The following SPOCK1 variants were observed in gnomAD, a reference collection of about 807,000 sequenced individuals.
SPOCK1 encodes SPARC (osteonectin), cwcv and kazal like domains proteoglycan 1, also known as testican-1.
A neutral mutation model predicts 55.3 loss-of-function variants in SPOCK1; 23 were observed. The observed-to-expected ratio is 0.42, with a 90% CI of 0.30 to 0.59. The LOEUF is 0.59. SPOCK1 is among the 20% of genes least tolerant of loss of function. SPOCK1 has a pLI of 0.22. For missense variants in SPOCK1, 499 were observed against 552.5 expected, an observed-to-expected ratio of 0.90 and a Z score of 0.97; for synonymous variants, 226 against 221.0, an observed-to-expected ratio of 1.02 and a Z score of -0.20.
chr5:137,280,164 C>T (rs1380733461), intron 2 of SPOCK1, among the ~76,000 whole-genome samples: 1 of 152,070 alleles, frequency 6.6e-6, no homozygotes, highest in Non-Finnish European at 1.5e-5. Flanking sequence ...TAAGTCCCAT[C>T]TTTTAAAATA....
chr5:137,346,880 T>C (rs1750568931), intron 2 of SPOCK1, among the ~76,000 whole-genome samples: 1 of 152,184 alleles, frequency 6.6e-6, no homozygotes, highest in Non-Finnish European at 1.5e-5. Flanking sequence ...ATCTACATGG[T>C]GTATGCCTAG....
At position 137,144,915 on chromosome 5, in the gene SPOCK1, C is replaced by T. The variant is rs375339450; in HGVS notation, c.233-4221G>A. Among the ~76,000 whole-genome samples, 6 of 152,224 alleles carry T rather than the reference C, an allele frequency of 3.9e-5. No homozygotes were observed. In the East Asian group the frequency reaches 7.7e-4, roughly 20 times the overall value. On this transcript the variant is annotated intron_variant, in intron 3 of 10. Transcript: ENST00000394945. ...CTTGCTCCAAGTTTCAATCTCTCTC[C>T]GCATACAAGGAGTGAGAGGATGCAG...
chr5:137,415,838 T>C (rs1752316582), intron 2 of SPOCK1, among the ~76,000 whole-genome samples: 1 of 152,200 alleles, frequency 6.6e-6, no homozygotes, highest in Non-Finnish European at 1.5e-5. Context: ...GTCACTGTTA[T>C]CTTGGCAACC....
chr5:137,069,007 G>A (rs1325794234), intron 5 of SPOCK1, among the ~76,000 whole-genome samples: 2 of 152,172 alleles, frequency 1.3e-5, no homozygotes, highest in African/African-American at 4.8e-5. Flanking sequence ...CTCTTATCAG[G>A]TGCCATGGGG....
chr5:137,106,436 A>G (rs546654045), intron 5 of SPOCK1, among the ~76,000 whole-genome samples: 30 of 152,294 alleles, frequency 2.0e-4, no homozygotes, highest in Non-Finnish European at 4.1e-4. Context: ...GGGCTCCCAG[A>G]TGGTCCAGGA....
intron 5 of SPOCK1, among the ~76,000 whole-genome samples, chr5:137,091,223 C>G (rs1753049529): frequency 1.3e-5 from 2 of 152,226 alleles, no homozygotes; most frequent in Admixed American, 1.3e-4. Context: ...TATCTCTTCC[C>G]TGCTCCATCC....
chr5:137,199,558 A>G (rs1009627236), intron 3 of SPOCK1, among the ~76,000 whole-genome samples: 4 of 151,942 alleles, frequency 2.6e-5, no homozygotes, highest in Non-Finnish European at 4.4e-5. Flanking sequence ...TTAAACCCCA[A>G]TGATCTCCTC....
At chr5:137,456,877 T>C (rs144213861) in intron 2 of SPOCK1, among the ~76,000 whole-genome samples, 130 of 152,352 alleles carry the variant, frequency 8.5e-4, no homozygotes, top group African/African-American at 3.0e-3. Context: ...GCTTGACACC[T>C]ACAGAAGAAA....
chr5:137,213,947 A>G (rs1051149304), intron 3 of SPOCK1, among the ~76,000 whole-genome samples: 7 of 152,218 alleles, frequency 4.6e-5, no homozygotes, highest in Admixed American at 3.9e-4. Context: ...ACCAATGTGC[A>G]TCTGTTCGTG....
At chr5:137,468,993 A>G (rs1349068864) in intron 2 of SPOCK1, among the ~76,000 whole-genome samples, 1 of 152,156 alleles carries the variant, frequency 6.6e-6, no homozygotes, top group East Asian at 1.9e-4. Context: ...TTAATAAAAG[A>G]GTTAACCTTT....
In SPOCK1 at chr5:137,132,000, A is replaced by ATATG. The variant is rs1309963916; in HGVS notation, c.347+8579_347+8580insCATA. Among the ~76,000 whole-genome samples the ATATG allele has an allele frequency of 1.4e-4, 8 of 58,044 alleles. 1 individual carries two copies. The highest frequency in any genetic ancestry group is 6.5e-4 in the African/African-American group (8 of 12,258). The allele number at this position is 58,044 out of a possible 152,430, so 38.1% of individuals were successfully genotyped here. ...AAAAAAAAAAAAAAAATATATATAT[A>ATATG]TATATATATATATATATATAAAAAA... is the stretch of plus-strand genomic sequence containing the variant. On this transcript the variant is annotated intron_variant, in intron 4 of 10. Coordinates refer to ENST00000394945, the MANE Select transcript of SPOCK1 (RefSeq NM_004598.4).
chr5:137,269,901 C>T (rs535819139), intron 2 of SPOCK1, among the ~76,000 whole-genome samples: 2 of 152,098 alleles, frequency 1.3e-5, no homozygotes, highest in African/African-American at 4.8e-5. Context: ...ACTCAGGTGG[C>T]AGAGCCAGGC....
At chr5:137,027,210 G>A (rs1380808445) in intron 6 of SPOCK1, among the ~76,000 whole-genome samples, 2 of 152,306 alleles carry the variant, frequency 1.3e-5, no homozygotes, top group Non-Finnish European at 2.9e-5. Flanking sequence ...ACTTTCTCAA[G>A]CTCTTTCCAT....
In SPOCK1 at chr5:137,102,443, C is replaced by T. The variant is rs116227263; in HGVS notation, c.474+9992G>A. ...AAATACAAGTAGAAGCAAACAAAGA[C>T]GAGAGATGGAAAGAAACGGAGTGGT... On this transcript the variant is annotated intron_variant, in intron 5 of 10. Transcript: ENST00000394945. Among the ~76,000 whole-genome samples, 1,093 of 152,052 alleles carry T rather than the reference C, an allele frequency of 7.2e-3. 17 individuals are homozygous for T. Among genetic ancestry groups the T allele is most frequent in the African/African-American group, 0.025 (1,043 of 41,466 alleles).
At chr5:137,207,706 G>A (rs988515615) in intron 3 of SPOCK1, among the ~76,000 whole-genome samples, 2 of 152,104 alleles carry the variant, frequency 1.3e-5, no homozygotes, top group African/African-American at 4.8e-5. Context: ...TGATGTGCTG[G>A]GCCCTGTGCT....
intron 1 of SPOCK1, among the ~76,000 whole-genome samples, chr5:137,498,770 G>C (rs1367566233): frequency 6.6e-6 from 1 of 152,184 alleles, no homozygotes; most frequent in South Asian, 2.1e-4. Context: ...GCTGCGTCAC[G>C]AATCCGAGGC....
At chr5:137,231,959 G>A (rs1756072801) in intron 3 of SPOCK1, among the ~76,000 whole-genome samples, 1 of 152,120 alleles carries the variant, frequency 6.6e-6, no homozygotes, top group African/African-American at 2.4e-5. Flanking sequence ...CCCTGATGAT[G>A]GTGAACATCA....
intron 2 of SPOCK1, among the ~76,000 whole-genome samples, chr5:137,394,083 A>C (rs187196542): frequency 1.2e-3 from 177 of 152,332 alleles, no homozygotes; most frequent in Middle Eastern, 3.4e-3. Context: ...AGTCAGCCAA[A>C]CCCCAGGCAA....
chr5:137,462,500 G>A (rs1753510452), intron 2 of SPOCK1, among the ~76,000 whole-genome samples: 1 of 152,184 alleles, frequency 6.6e-6, no homozygotes, highest in Non-Finnish European at 1.5e-5. Flanking sequence ...GCAGGTTCGT[G>A]GTCAGACTGC....
Sources: allele counts gnomAD v4.1 joint callset (sites outside exome capture counted in the v4.1 genomes callset), GRCh38; gene constraint gnomAD v4.1.1; transcripts MANE v1.5; gene names NCBI Gene and HGNC (gene_info 2026-07-23, HGNC 2026-07-21).